The following ACTR3C variants were observed in gnomAD, a reference collection of about 807,000 sequenced individuals.
The protein encoded by ACTR3C is actin related protein 3C, also known as actin-related protein 3C.
A neutral mutation model predicts 26.3 loss-of-function variants in ACTR3C; 18 were observed. That is an observed-to-expected ratio of 0.68 (90% confidence interval 0.47 to 1.01). The LOEUF (loss-of-function observed/expected upper bound fraction) is 1.01. ACTR3C is among the 50% of genes least tolerant of loss of function. ACTR3C has a pLI of 0.00. For synonymous variants in ACTR3C, 55 were observed against 94.5 expected, an observed-to-expected ratio of 0.58 and a Z score of 2.42; for missense variants, 184 against 250.7, an observed-to-expected ratio of 0.73 and a Z score of 1.80.
chr7:149,937,466 C>T, the ACTR3C span, among the ~76,000 whole-genome samples: 15 of 152,114 alleles, frequency 9.9e-5, no homozygotes, highest in South Asian at 2.1e-4. Context: ...GGATTTAATA[C>T]GTATTTATTT....
chr7:150,080,529 G>GTGTA, the ACTR3C span, among the ~76,000 whole-genome samples: 2 of 29,628 alleles, frequency 6.8e-5, no homozygotes, highest in Non-Finnish European at 1.3e-4. Flanking sequence ...GTGTGTGTAT[G>GTGTA]TGTGTGTGTG....
At chr7:150,225,210 G>C in the ACTR3C span, among the ~76,000 whole-genome samples, 2 of 152,154 alleles carry the variant, frequency 1.3e-5, no homozygotes, top group Non-Finnish European at 2.9e-5. Flanking sequence ...GGCATTACTA[G>C]TGCTCATTGC....
At chr7:150,094,486 A>G in the ACTR3C span, among the ~76,000 whole-genome samples, 1 of 150,468 alleles carries the variant, frequency 6.6e-6, no homozygotes, top group African/African-American at 2.5e-5. Context: ...AATGCCACGG[A>G]TTATTATAGG....
At chr7:150,229,267 T>TA in the ACTR3C span, among the ~76,000 whole-genome samples, 1 of 152,044 alleles carries the variant, frequency 6.6e-6, no homozygotes, top group Non-Finnish European at 1.5e-5. Flanking sequence ...CTCTTTGTCT[T>TA]AAAGGGAAAG....
chr7:150,275,861 C>T (rs192119644), intron 6 of ACTR3C, among the ~76,000 whole-genome samples: 221 of 152,274 alleles, frequency 1.5e-3, no homozygotes, highest in Non-Finnish European at 2.3e-3. Context: ...AAGTTCTCTT[C>T]GGTGCACCTC....
the ACTR3C span, among the ~76,000 whole-genome samples, chr7:149,939,833 C>G: frequency 6.8e-6 from 1 of 147,378 alleles, no homozygotes; most frequent in Non-Finnish European, 1.5e-5. Flanking sequence ...AATGTGAACA[C>G]CTTAAGCAAA....
At chr7:150,297,410 C>T (rs1273073348) in intron 1 of ACTR3C, among the ~76,000 whole-genome samples, 1 of 151,008 alleles carries the variant, frequency 6.6e-6, no homozygotes, top group Admixed American at 6.6e-5. Flanking sequence ...CTTAAACATA[C>T]AAGAACTTGG....
chr7:150,031,263 A>T, the ACTR3C span, among the ~76,000 whole-genome samples: 942 of 89,162 alleles, frequency 0.011, 13 homozygotes, highest in African/African-American at 0.035. Flanking sequence ...TCCCAAATTT[A>T]AAAAAAAAAA....
chr7:150,135,871 G>GGAAAA, the ACTR3C span, among the ~76,000 whole-genome samples: 258 of 138,174 alleles, frequency 1.9e-3, 3 homozygotes, highest in East Asian at 0.026. Context: ...AAAAGGAAAA[G>GGAAAA]GAAAAGAAAA....
chr7:150,145,049 CAAAAAAA>C, the ACTR3C span, among the ~76,000 whole-genome samples: 1 of 106,172 alleles, frequency 9.4e-6, no homozygotes, highest in African/African-American at 3.5e-5. Flanking sequence ...GACTCCATCT[CAAAAAAA>C]AAAAAAAAAA....
At chr7:149,910,873 A>G in the ACTR3C span, among the ~76,000 whole-genome samples, 1 of 151,702 alleles carries the variant, frequency 6.6e-6, no homozygotes, top group Non-Finnish European at 1.5e-5. Context: ...GCTCCCCTCA[A>G]ATCACACATT....
At chr7:150,040,891 TG>T in the ACTR3C span, among the ~76,000 whole-genome samples, 28 of 149,488 alleles carry the variant, frequency 1.9e-4, 4 homozygotes, top group African/African-American at 7.1e-4. Flanking sequence ...GAGGCCTTTA[TG>T]TTCAGGTTTT....
chr7:149,924,523 T>C, the ACTR3C span, among the ~76,000 whole-genome samples: 1 of 152,196 alleles, frequency 6.6e-6, no homozygotes, highest in Non-Finnish European at 1.5e-5. Context: ...AAATTAACAT[T>C]GCTTTGGAGG....
the ACTR3C span, among the ~76,000 whole-genome samples, chr7:150,070,154 G>A: frequency 2.7e-3 from 414 of 152,182 alleles, 3 homozygotes; most frequent in South Asian, 0.023. Context: ...GCAGGAGCTC[G>A]CGAGGCCTCA....
At chr7:149,998,048 G>A in the ACTR3C span, among the ~76,000 whole-genome samples, 1 of 151,224 alleles carries the variant, frequency 6.6e-6, no homozygotes, top group South Asian at 2.1e-4. Flanking sequence ...CCACAATAGG[G>A]CCATTCCTCT....
chr7:150,156,810 G>A, the ACTR3C span, among the ~76,000 whole-genome samples: 46 of 151,106 alleles, frequency 3.0e-4, 1 homozygote, highest in Admixed American at 9.2e-4. Flanking sequence ...CATTCCTTTC[G>A]CTCCAGGTAT....
chr7:150,213,600 A>G, the ACTR3C span, among the ~76,000 whole-genome samples: 2 of 152,186 alleles, frequency 1.3e-5, no homozygotes, highest in Non-Finnish European at 1.5e-5. Context: ...TAGACTGAGG[A>G]AAAGTTTGGA....
chr7:150,137,521 C>G, the ACTR3C span, among the ~76,000 whole-genome samples: 1 of 152,200 alleles, frequency 6.6e-6, no homozygotes, highest in Non-Finnish European at 1.5e-5. Flanking sequence ...CCTCACCTTC[C>G]CTCCTACCCT....
At chr7:150,018,967 T>A in the ACTR3C span, among the ~76,000 whole-genome samples, 1 of 150,352 alleles carries the variant, frequency 6.7e-6, no homozygotes, top group African/African-American at 2.5e-5. Context: ...TAATATAAAT[T>A]GAGAAAACAA....
Sources: gnomAD v4.1 joint callset for allele counts (sites outside exome capture counted in the v4.1 genomes callset) on GRCh38, gnomAD v4.1.1 for gene constraint, MANE v1.5 for transcripts, NCBI Gene and HGNC (gene_info 2026-07-23, HGNC 2026-07-21) for gene names.